The following KALRN variants were observed in gnomAD, a reference collection of about 807,000 sequenced individuals.
KALRN encodes kalirin RhoGEF kinase.
KALRN carries 70 observed loss-of-function variants against 353.7 expected under a neutral mutation model. The ratio of observed to expected loss-of-function variants is 0.20; its 90% confidence interval spans 0.16 to 0.24. The LOEUF (loss-of-function observed/expected upper bound fraction) is 0.24, where lower values mean the gene tolerates loss of function less well. KALRN is among the 10% of genes least tolerant of loss of function. The pLI, the probability that KALRN is intolerant of heterozygous loss-of-function variation, is 1.00. For missense variants in KALRN, 2,791 were observed against 3,756.7 expected, an observed-to-expected ratio of 0.74 and a Z score of 6.72; for synonymous variants, 1,391 against 1,434.8, an observed-to-expected ratio of 0.97 and a Z score of 0.69.
intron 59 of KALRN, 133 bp downstream of exon 59, chr3:124,717,518 C>G (rs2063198144): frequency 3.9e-6 from 2 of 508,062 alleles, no homozygotes; most frequent in South Asian, 8.3e-5. Flanking sequence ...AACCCCGTCT[C>G]TACTAAAAAT....
At chr3:124,085,129 G>A (rs774447807) in intron 1 of KALRN, among the ~76,000 whole-genome samples, 1 of 152,216 alleles carries the variant, frequency 6.6e-6, no homozygotes, top group Non-Finnish European at 1.5e-5. Context: ...GAGGTTTGGG[G>A]AGTCAGAGCC....
intron 34 of KALRN, among the ~76,000 whole-genome samples, chr3:124,615,473 A>G (rs1463630164): frequency 3.3e-5 from 5 of 152,216 alleles, no homozygotes; most frequent in African/African-American, 1.2e-4. Context: ...AAGGAAACCT[A>G]TACTAAAGTA....
intron 13 of KALRN, among the ~76,000 whole-genome samples, chr3:124,400,985 C>G (rs992570038): frequency 6.6e-6 from 1 of 152,138 alleles, no homozygotes; most frequent in Admixed American, 6.5e-5. Context: ...GCTGGTTCAG[C>G]GCTGGAATGG....
At chr3:124,499,973 C>T (rs2064324237) in intron 33 of KALRN, among the ~76,000 whole-genome samples, 1 of 152,106 alleles carries the variant, frequency 6.6e-6, no homozygotes, top group Admixed American at 6.5e-5. Context: ...AAAATGGGTC[C>T]TATAAATACA....
intron 22 of KALRN, 37 bp from the exon 23 acceptor site, chr3:124,456,573 C>T: frequency 6.8e-7 from 1 of 1,460,026 alleles, no homozygotes; most frequent in East Asian, 2.3e-5. Flanking sequence ...TTTCCCAAAG[C>T]ATCACAAGGT....
intron 1 of KALRN, among the ~76,000 whole-genome samples, chr3:124,133,388 T>A (rs1288452210): frequency 6.6e-6 from 1 of 152,204 alleles, no homozygotes; most frequent in African/African-American, 2.4e-5. Context: ...TGAAACAGTT[T>A]GCTTGTTTTT....
intron 9 of KALRN, among the ~76,000 whole-genome samples, chr3:124,338,587 T>A (rs1383241005): frequency 6.6e-6 from 1 of 152,234 alleles, no homozygotes; most frequent in Non-Finnish European, 1.5e-5. Flanking sequence ...AAGTGCGATG[T>A]GGTCCTGAGA....
At chr3:124,518,771 A>T in intron 33 of KALRN, 1 of 1,311,882 alleles carries the variant, frequency 7.6e-7, no homozygotes. Flanking sequence ...CTTCCCCCAG[A>T]TCCCACTCAG....
chr3:124,330,679 A>C (rs1175297721), intron 8 of KALRN, among the ~76,000 whole-genome samples: 2 of 152,016 alleles, frequency 1.3e-5, no homozygotes, highest in Non-Finnish European at 2.9e-5. Context: ...CACATAAGTT[A>C]GTATGTTTGC....
chr3:124,580,922 A>T (rs188247311), intron 34 of KALRN, among the ~76,000 whole-genome samples: 31 of 148,324 alleles, frequency 2.1e-4, no homozygotes, highest in African/African-American at 7.4e-4. Flanking sequence ...AGCCCAGGGA[A>T]CATGGCAAAA....
At chr3:124,336,485 A>G (rs1279597870) in intron 9 of KALRN, among the ~76,000 whole-genome samples, 2 of 151,968 alleles carry the variant, frequency 1.3e-5, no homozygotes, top group African/African-American at 2.4e-5. Context: ...TGCAATATCC[A>G]TGGTGTCCTC....
At position 124,666,563 on chromosome 3, in the gene KALRN, A is replaced by G. The variant is rs760450028; in HGVS notation, c.6460A>G (p.Ile2154Val). ...GAGGCGCGTGTTCCTCTTCGAGCAG[A>G]TTGTCATCTTCAGTGAACTGCTCAG... ...KERRVFLFEQ[I>V]VIFSELLRKG... Residue 2154 changes from isoleucine (I) to valine (V), a missense_variant, in exon 46 of 60, where the codon ATT (isoleucine) becomes GTT (valine). Coordinates refer to ENST00000682506, the MANE Select transcript of KALRN (RefSeq NM_001388419.1). 13 of 1,614,026 alleles carry G rather than the reference A, an allele frequency of 8.1e-6. No homozygotes were observed. Among genetic ancestry groups the G allele is most frequent in the Non-Finnish European group, 1.1e-5 (13 of 1,179,936 alleles).
intron 37 of KALRN, among the ~76,000 whole-genome samples, chr3:124,650,493 G>A (rs989406323): frequency 4.6e-5 from 7 of 152,142 alleles, no homozygotes; most frequent in Admixed American, 4.6e-4. Flanking sequence ...TGCATATTTG[G>A]TATAGAATTG....
chr3:124,393,101 G>A (rs988707563), intron 11 of KALRN, among the ~76,000 whole-genome samples: 15 of 152,046 alleles, frequency 9.9e-5, no homozygotes, highest in African/African-American at 2.4e-4. Flanking sequence ...GAATAGCTGG[G>A]GTTACAGGCA....
chr3:124,054,745 G>T (rs1253786340), intron 1 of KALRN, among the ~76,000 whole-genome samples: 1 of 152,188 alleles, frequency 6.6e-6, no homozygotes, highest in Non-Finnish European at 1.5e-5. Context: ...TTGTATCTCG[G>T]CAGTAGGAGC....
Position 124,080,537 on chromosome 3 carries a change from C to A in KALRN, c.73+46724C>A, listed in dbSNP as rs1291612610. ...GTTAACATATCATTTTGCAAGTTTTCTGCATGCAGCATGTCCTGGAAATCT... is the reference window on the plus strand; with the variant it reads ...GTTAACATATCATTTTGCAAGTTTTATGCATGCAGCATGTCCTGGAAATCT... On this transcript the variant is annotated intron_variant, in intron 1 of 59. Transcript: ENST00000682506. Among the ~76,000 whole-genome samples, 3 of 152,176 alleles carry A rather than the reference C, an allele frequency of 2.0e-5. No homozygotes were observed. In the East Asian group the frequency reaches 5.8e-4, roughly 29 times the overall value.
intron 19 of KALRN, among the ~76,000 whole-genome samples, chr3:124,444,272 C>G (rs1013161135): frequency 6.6e-6 from 1 of 152,152 alleles, no homozygotes; most frequent in African/African-American, 2.4e-5. Context: ...GCAGCAGTTA[C>G]CCAGGAGAAT....
chr3:124,470,771 G>GTGT (rs35017656), intron 25 of KALRN, among the ~76,000 whole-genome samples: 22,411 of 152,154 alleles, frequency 0.15, 2,437 homozygotes, highest in East Asian at 0.5. Flanking sequence ...TTTTCCAAGA[G>GTGT]TGTTCCTTGA....
intron 1 of KALRN, among the ~76,000 whole-genome samples, chr3:124,041,376 C>T (rs976420465): frequency 6.6e-5 from 10 of 152,094 alleles, no homozygotes; most frequent in Non-Finnish European, 1.3e-4. Flanking sequence ...CAATACTATC[C>T]GAATATATGT....
Sources: allele counts gnomAD v4.1 joint callset (sites outside exome capture counted in the v4.1 genomes callset), GRCh38; gene constraint gnomAD v4.1.1; transcripts MANE v1.5; gene names NCBI Gene and HGNC (gene_info 2026-07-23, HGNC 2026-07-21).